The following HS3ST4 variants were observed in gnomAD, a reference collection of about 807,000 sequenced individuals.
The protein encoded by HS3ST4 is heparan sulfate-glucosamine 3-sulfotransferase 4.
In HS3ST4, 17 loss-of-function variants were observed where a neutral mutation model predicts 29.2. The observed-to-expected ratio is 0.58, with a 90% CI of 0.40 to 0.87. The LOEUF is 0.87. Among genes scored for constraint, HS3ST4 ranks in the 40% least tolerant of loss-of-function variants. The pLI is 0.00. For synonymous variants in HS3ST4, 314 were observed against 285.7 expected (o/e 1.10, Z -1.00); for missense variants, 627 against 634.5 (o/e 0.99, Z 0.13).
chr16:25,781,065 G>T (rs978202205), intron 1 of HS3ST4, among the ~76,000 whole-genome samples: 1 of 152,162 alleles, frequency 6.6e-6, no homozygotes, highest in Non-Finnish European at 1.5e-5. Flanking sequence ...GGTTTATTGG[G>T]CTTGCATGCA....
At chr16:25,765,430 G>C (rs1218780515) in intron 1 of HS3ST4, among the ~76,000 whole-genome samples, 1 of 152,204 alleles carries the variant, frequency 6.6e-6, no homozygotes, top group Non-Finnish European at 1.5e-5. Context: ...GGCCAATTCA[G>C]AATGGGTTTA....
chr16:25,731,971 T>A lies in HS3ST4; in HGVS notation c.734+38820T>A, dbSNP rs546214214. On this transcript the variant is annotated intron_variant, in intron 1 of 1. Transcript: ENST00000331351. ...CTTTGGAAGAACAAACCTTTTCATA[T>A]TGTTTGCAAAGGAGCAGTTTAATCA... 3.3e-5 allele frequency among the ~76,000 whole-genome samples: 5 copies of A among 152,310 alleles called. No homozygotes were observed. The South Asian group carries it at 1.0e-3, about 32-fold the overall frequency.
chr16:25,692,406 C>A lies in HS3ST4; in HGVS notation c.-12C>A. ...CCGCCGCCGCCGCCGCCGCCGCGAGCCGGGAGCCGCGATGGCCCGGTGGCC... is the reference window on the plus strand; with the variant it reads ...CCGCCGCCGCCGCCGCCGCCGCGAGACGGGAGCCGCGATGGCCCGGTGGCC... On this transcript the variant is annotated 5_prime_UTR_variant, in exon 1 of 2. Transcript: ENST00000331351. 1 of 920,690 alleles carries A rather than the reference C, an allele frequency of 1.1e-6. No individual in the cohort carries two copies. Among genetic ancestry groups the A allele is most frequent in the Non-Finnish European group, 1.3e-6 (1 of 748,354 alleles). The allele number at this position is 920,690 out of a possible 1,614,324, so 57.0% of individuals were successfully genotyped here.
intron 1 of HS3ST4, among the ~76,000 whole-genome samples, chr16:25,879,031 G>T (rs908678668): frequency 1.3e-5 from 2 of 152,152 alleles, no homozygotes; most frequent in African/African-American, 4.8e-5. Context: ...GCAGCTGGAA[G>T]AAATTAGGGT....
intron 1 of HS3ST4, among the ~76,000 whole-genome samples, chr16:25,881,621 T>C (rs1321868132): frequency 8.5e-5 from 13 of 152,176 alleles, no homozygotes; most frequent in Admixed American, 7.2e-4. Flanking sequence ...AGAGGGCTCC[T>C]GCAGTCTCTT....
chr16:25,842,077 C>T (rs979700568), intron 1 of HS3ST4, among the ~76,000 whole-genome samples: 8 of 152,326 alleles, frequency 5.3e-5, no homozygotes, highest in Non-Finnish European at 1.0e-4. Flanking sequence ...AAGTCAATGG[C>T]TCCTTGACAT....
At chr16:25,830,769 A>G (rs1251531360) in intron 1 of HS3ST4, among the ~76,000 whole-genome samples, 1 of 151,288 alleles carries the variant, frequency 6.6e-6, no homozygotes, top group Non-Finnish European at 1.5e-5. Flanking sequence ...CTACATCTAT[A>G]CGATCACAGC....
At chr16:25,749,501 A>T (rs1966705637) in intron 1 of HS3ST4, among the ~76,000 whole-genome samples, 1 of 152,088 alleles carries the variant, frequency 6.6e-6, no homozygotes, top group African/African-American at 2.4e-5. Flanking sequence ...ATATCAAAAA[A>T]GAAGAAGAAG....
chr16:25,991,792 C>T (rs572303974), intron 1 of HS3ST4, among the ~76,000 whole-genome samples: 28 of 152,166 alleles, frequency 1.8e-4, no homozygotes, highest in Non-Finnish European at 2.1e-4. Flanking sequence ...GAGGCTGGGG[C>T]GGGTGGATCA....
intron 1 of HS3ST4, among the ~76,000 whole-genome samples, chr16:26,109,356 G>A (rs1230437592): frequency 1.3e-5 from 2 of 152,198 alleles, no homozygotes; most frequent in Admixed American, 6.5e-5. Flanking sequence ...ATGTGCGTGA[G>A]TCTCGATTAC....
At chr16:25,873,391 C>T (rs566954928) in intron 1 of HS3ST4, among the ~76,000 whole-genome samples, 3,454 of 140,382 alleles carry the variant, frequency 0.025, 57 homozygotes, top group South Asian at 0.036. Context: ...TCCATCCATC[C>T]ATCCATCCAT....
At chr16:25,725,605 C>T (rs182584901) in intron 1 of HS3ST4, among the ~76,000 whole-genome samples, 195 of 151,602 alleles carry the variant, frequency 1.3e-3, no homozygotes, top group African/African-American at 4.0e-3. Context: ...TACTAATTTG[C>T]ATATAATGCA....
intron 1 of HS3ST4, among the ~76,000 whole-genome samples, chr16:25,988,424 T>A (rs1415675032): frequency 1.3e-5 from 2 of 152,182 alleles, no homozygotes; most frequent in Non-Finnish European, 2.9e-5. Context: ...GGATCCCTTA[T>A]TCTGAGCCAG....
chr16:25,724,829 G>C (rs966021940), intron 1 of HS3ST4, among the ~76,000 whole-genome samples: 1 of 152,006 alleles, frequency 6.6e-6, no homozygotes, highest in South Asian at 2.1e-4. Flanking sequence ...TGTTGAGTTC[G>C]TGGACATTTT....
In HS3ST4 at chr16:26,136,282, C is replaced by G; in HGVS notation, c.*34C>G. The G allele has an allele frequency of 6.4e-7, 1 of 1,572,398 alleles. No homozygotes were observed. The highest frequency in any genetic ancestry group is 8.6e-7 in the Non-Finnish European group (1 of 1,162,464). ...AGGCAGAGGAAGGCTAGTCAATAAGCTAAGGAGGCTCCTTGCCTGAGTCCT... is the reference window on the plus strand; with the variant it reads ...AGGCAGAGGAAGGCTAGTCAATAAGGTAAGGAGGCTCCTTGCCTGAGTCCT... On this transcript the variant is annotated 3_prime_UTR_variant, in exon 2 of 2. Coordinates refer to ENST00000331351, the MANE Select transcript of HS3ST4 (RefSeq NM_006040.3).
At chr16:25,821,833 A>G (rs1326204449) in intron 1 of HS3ST4, among the ~76,000 whole-genome samples, 1 of 152,142 alleles carries the variant, frequency 6.6e-6, no homozygotes, top group Non-Finnish European at 1.5e-5. Context: ...GCTAGAACCT[A>G]GGATGTGGTG....
At chr16:25,803,676 T>C (rs1223684939) in intron 1 of HS3ST4, among the ~76,000 whole-genome samples, 2 of 152,202 alleles carry the variant, frequency 1.3e-5, no homozygotes, top group Admixed American at 1.3e-4. Context: ...CTGACTTTCA[T>C]AAAGGAGTTT....
At chr16:25,963,933 G>A (rs1283229006) in intron 1 of HS3ST4, among the ~76,000 whole-genome samples, 2 of 152,186 alleles carry the variant, frequency 1.3e-5, no homozygotes, top group East Asian at 3.8e-4. Flanking sequence ...TGCTTTGGGA[G>A]GCCGAGGTGG....
intron 1 of HS3ST4, among the ~76,000 whole-genome samples, chr16:25,902,046 A>G (rs1158455821): frequency 6.6e-6 from 1 of 152,136 alleles, no homozygotes; most frequent in Non-Finnish European, 1.5e-5. Context: ...CCACCACGAT[A>G]TGGGTGTTAA....
Sources: allele counts gnomAD v4.1 joint callset (sites outside exome capture counted in the v4.1 genomes callset), GRCh38; gene constraint gnomAD v4.1.1; transcripts MANE v1.5; gene names NCBI Gene and HGNC (gene_info 2026-07-23, HGNC 2026-07-21).